Variants in RCAN2 observed in about 807,000 individuals in gnomAD.
RCAN2 encodes regulator of calcineurin 2, also known as calcipressin-2.
Under a neutral mutation model 23.6 loss-of-function variants are expected in RCAN2, and 9 were observed. The ratio of observed to expected loss-of-function variants is 0.38; its 90% CI spans 0.23 to 0.67. The LOEUF (loss-of-function observed/expected upper bound fraction) is 0.67. Among genes scored for constraint, RCAN2 ranks in the 30% least tolerant of loss-of-function variants. The pLI is 0.51. For synonymous variants in RCAN2, 109 were observed against 115.7 expected, an observed-to-expected ratio of 0.94 and a Z score of 0.37; for missense variants, 273 against 302.3, an observed-to-expected ratio of 0.90 and a Z score of 0.72.
intron 2 of RCAN2, among the ~76,000 whole-genome samples, chr6:46,397,405 A>ACACACACC: frequency 6.7e-6 from 1 of 149,260 alleles, no homozygotes; most frequent in Non-Finnish European, 1.5e-5. Context: ...ACACACACAC[A>ACACACACC]CCACAGTGAC....
At chr6:46,284,214 A>G (rs1289117413) in intron 2 of RCAN2, among the ~76,000 whole-genome samples, 3 of 152,174 alleles carry the variant, frequency 2.0e-5, no homozygotes, top group African/African-American at 4.8e-5. Flanking sequence ...AAGAACTCAA[A>G]TAACAATTTA....
At chr6:46,392,282 T>A (rs1765960457) in intron 2 of RCAN2, among the ~76,000 whole-genome samples, 1 of 152,186 alleles carries the variant, frequency 6.6e-6, no homozygotes, top group South Asian at 2.1e-4. Context: ...TCAAGGGATT[T>A]ATAAGTCTTG....
At chr6:46,240,837 A>T (rs901019307) in intron 4 of RCAN2, among the ~76,000 whole-genome samples, 1 of 152,166 alleles carries the variant, frequency 6.6e-6, no homozygotes, top group African/African-American at 2.4e-5. Context: ...ACACCAGCAA[A>T]ATTGCCTTAC....
At chr6:46,475,439 T>A (rs1768688623) in intron 1 of RCAN2, among the ~76,000 whole-genome samples, 1 of 152,134 alleles carries the variant, frequency 6.6e-6, no homozygotes, top group East Asian at 1.9e-4. Context: ...AGAAATGAGA[T>A]ATGAGCAGGC....
At chr6:46,345,741 A>G (rs1427300566) in intron 2 of RCAN2, among the ~76,000 whole-genome samples, 1 of 152,184 alleles carries the variant, frequency 6.6e-6, no homozygotes, top group Non-Finnish European at 1.5e-5. Context: ...AGATTTAATG[A>G]AGAAACAAAT....
intron 2 of RCAN2, among the ~76,000 whole-genome samples, chr6:46,444,840 C>A (rs1767654584): frequency 6.6e-6 from 1 of 152,164 alleles, no homozygotes; most frequent in African/African-American, 2.4e-5. Flanking sequence ...AGGACAGCAC[C>A]TGTGGCCCCA....
Position 46,325,353 on chromosome 6 carries a change from A to G in RCAN2, c.226-76457T>C, listed in dbSNP as rs766879802. ...TAAAAAGGCTCTGCCAAGCAGCGTC[A>G]GTAACAGCAACAATGAAAAATAAGA... On this transcript the variant is annotated intron_variant, in intron 2 of 4. Coordinates refer to ENST00000371374, the MANE Select transcript of RCAN2 (RefSeq NM_001251974.2). 8.7e-6 allele frequency: 14 copies of G among 1,610,830 alleles called. No homozygotes were observed. The South Asian group carries it at 1.5e-4, about 18-fold the overall frequency.
At chr6:46,231,397 C>A (rs1301320820) in intron 4 of RCAN2, among the ~76,000 whole-genome samples, 1 of 150,842 alleles carries the variant, frequency 6.6e-6, no homozygotes, top group African/African-American at 2.4e-5. Context: ...TCATAAATGC[C>A]ACTCGGTTTG....
At chr6:46,264,409 T>G (rs547794414) in intron 2 of RCAN2, among the ~76,000 whole-genome samples, 1 of 152,350 alleles carries the variant, frequency 6.6e-6, no homozygotes, top group African/African-American at 2.4e-5. Flanking sequence ...TATAAGGAAC[T>G]TCTTATGATT....
chr6:46,299,559 G>A (rs1040501656), intron 2 of RCAN2, among the ~76,000 whole-genome samples: 21 of 151,906 alleles, frequency 1.4e-4, no homozygotes, highest in African/African-American at 4.8e-4. Flanking sequence ...ATGAAAACTT[G>A]AGCTACTAAG....
chr6:46,330,358 A>T (rs1763927619), intron 2 of RCAN2, among the ~76,000 whole-genome samples: 1 of 152,210 alleles, frequency 6.6e-6, no homozygotes, highest in Non-Finnish European at 1.5e-5. Context: ...CTCAAGCCTG[A>T]AAACCACAGC....
intron 2 of RCAN2, among the ~76,000 whole-genome samples, chr6:46,405,617 A>T (rs561846479): frequency 6.6e-5 from 10 of 152,198 alleles, no homozygotes; most frequent in Non-Finnish European, 1.3e-4. Flanking sequence ...AGCTAAACAC[A>T]GGGTGCTGAT....
chr6:46,319,313 G>A (rs190561562), intron 2 of RCAN2, among the ~76,000 whole-genome samples: 1 of 152,134 alleles, frequency 6.6e-6, no homozygotes, highest in Non-Finnish European at 1.5e-5. Context: ...CTGATAGTTG[G>A]ACTCAAACAG....
intron 2 of RCAN2, among the ~76,000 whole-genome samples, chr6:46,376,127 G>A (rs1212358749): frequency 6.6e-6 from 1 of 152,042 alleles, no homozygotes; most frequent in Non-Finnish European, 1.5e-5. Flanking sequence ...GGTACACAAC[G>A]CAGTCAGCTC....
chr6:46,273,131 C>T (rs1899406), intron 2 of RCAN2, among the ~76,000 whole-genome samples: 2 of 152,066 alleles, frequency 1.3e-5, no homozygotes, highest in African/African-American at 2.4e-5. Context: ...TCAGGAGTTG[C>T]GGTTCCAACA....
At chr6:46,423,328 G>A (rs1296976489) in intron 2 of RCAN2, among the ~76,000 whole-genome samples, 8 of 152,106 alleles carry the variant, frequency 5.3e-5, no homozygotes, top group African/African-American at 1.9e-4. Flanking sequence ...CTAAAACCCA[G>A]GACTCTAGAT....
chr6:46,409,763 G>A (rs1766497158), intron 2 of RCAN2, among the ~76,000 whole-genome samples: 1 of 152,024 alleles, frequency 6.6e-6, no homozygotes, highest in South Asian at 2.1e-4. Flanking sequence ...TCAAAGTTTT[G>A]ATATATGAGT....
chr6:46,227,857 T>C (rs1292859476), intron 4 of RCAN2, among the ~76,000 whole-genome samples: 1 of 152,242 alleles, frequency 6.6e-6, no homozygotes, highest in Non-Finnish European at 1.5e-5. Context: ...ATTCTTTTAA[T>C]TGTGATGTTA....
intron 2 of RCAN2, among the ~76,000 whole-genome samples, chr6:46,323,099 G>C (rs1434797220): frequency 1.3e-5 from 2 of 152,108 alleles, no homozygotes; most frequent in African/African-American, 4.8e-5. Flanking sequence ...TGGGGTGGGA[G>C]GGAAAACATT....
Sources: allele counts gnomAD v4.1 joint callset (sites outside exome capture counted in the v4.1 genomes callset), GRCh38; gene constraint gnomAD v4.1.1; transcripts MANE v1.5; gene names NCBI Gene and HGNC (gene_info 2026-07-23, HGNC 2026-07-21).